Variants in MSRB1 observed in about 807,000 individuals in gnomAD.
The protein encoded by MSRB1 is methionine-R-sulfoxide reductase B1.
MSRB1 carries 13 observed loss-of-function variants against 15.2 expected under a neutral mutation model. The ratio of observed to expected loss-of-function variants is 0.86; its 90% CI spans 0.56 to 1.36. The LOEUF is 1.36. Ranked by LOEUF, MSRB1 falls within the 40% of genes most tolerant of loss-of-function variation. The pLI is 0.00. For synonymous variants in MSRB1, 68 were observed against 64.5 expected (o/e 1.05, Z -0.26); for missense variants, 174 against 155.9 (o/e 1.12, Z -0.62).
chr16:1,939,230 A>G, intron 3 of MSRB1, 87 bp from the exon 4 acceptor site: 2 of 1,430,320 alleles, frequency 1.4e-6, no homozygotes, highest in Non-Finnish European at 1.9e-6. Context: ...GTGGAAAGCC[A>G]GGGTAGGGGC....
intron 3 of MSRB1, among the ~76,000 whole-genome samples, chr16:1,940,007 C>T (rs547557444): frequency 6.6e-6 from 1 of 151,492 alleles, no homozygotes; most frequent in South Asian, 2.1e-4. Context: ...CGTGGTGGCT[C>T]ATGCCTATAA....
At chr16:1,941,633 A>C in intron 1 of MSRB1, 1 of 599,190 alleles carries the variant, frequency 1.7e-6, no homozygotes, top group Non-Finnish European at 2.9e-6. Flanking sequence ...GATTCTTCTC[A>C]TAGCCCCGTG....
intron 3 of MSRB1, 89 bp downstream of exon 3, chr16:1,940,689 A>G: frequency 6.9e-7 from 1 of 1,454,942 alleles, no homozygotes; most frequent in East Asian, 2.4e-5. Context: ...ATACCTTGTC[A>G]TGGTAAGTGG....
At chr16:1,939,176 G>C (rs372540264) in intron 3 of MSRB1, 33 bp from the exon 4 acceptor site, 1 of 1,589,728 alleles carries the variant, frequency 6.3e-7, no homozygotes, top group Admixed American at 1.9e-5. Context: ...GAAAGTATGC[G>C]GGGACAGAAA....
In MSRB1 at chr16:1,938,887, C is replaced by A; in HGVS notation, c.*225G>T. ...TAAGTCAGCCGACAGTGTGGCTGCA[C>A]AGCCCAGGCCTGTCCCAGCAGAAGG... On this transcript the variant is annotated 3_prime_UTR_variant, in exon 4 of 4. Transcript: ENST00000361871. 1 of 634,012 alleles carries A rather than the reference C, an allele frequency of 1.6e-6. No homozygotes were observed. Among genetic ancestry groups the A allele is most frequent in the Non-Finnish European group, 2.7e-6 (1 of 371,858 alleles). The allele number at this position is 634,012 out of a possible 1,614,324, so 39.3% of individuals were successfully genotyped here. A position where few individuals can be genotyped will look rare whatever the true frequency, so the allele number is the denominator to read the frequency against.
chr16:1,941,420 G>A lies in MSRB1; in HGVS notation c.56-15C>T. 3 of 1,604,442 alleles carry A rather than the reference G, an allele frequency of 1.9e-6. No homozygotes were observed. Among genetic ancestry groups the A allele is most frequent in the Non-Finnish European group, 2.6e-6 (3 of 1,174,952 alleles). On this transcript the variant is annotated splice_polypyrimidine_tract_variant and intron_variant, in intron 1 of 3. Coordinates refer to ENST00000361871, the MANE Select transcript of MSRB1 (RefSeq NM_016332.4). ...CACGTAAACGCCTGTGGTGGAAGGAGAGGCAAATGTGGAGTCATCAGCTCC... is the reference window on the plus strand; with the variant it reads ...CACGTAAACGCCTGTGGTGGAAGGAAAGGCAAATGTGGAGTCATCAGCTCC...
At chr16:1,941,538 A>C (rs994069646) in intron 1 of MSRB1, 133 bp from the exon 2 acceptor site, 4 of 1,281,562 alleles carry the variant, frequency 3.1e-6, no homozygotes, top group South Asian at 1.5e-5. Context: ...TTCCCCAGGC[A>C]CCCGCCACGG....
intron 1 of MSRB1, among the ~76,000 whole-genome samples, chr16:1,942,825 C>T (rs2083087561): frequency 6.6e-6 from 1 of 152,202 alleles, no homozygotes; most frequent in East Asian, 1.9e-4. Context: ...ATCCCGATCC[C>T]TTAGACCCAC....
At chr16:1,941,587 G>A (rs2083077973) in intron 1 of MSRB1, 182 bp from the exon 2 acceptor site, 1 of 724,394 alleles carries the variant, frequency 1.4e-6, no homozygotes, top group East Asian at 2.7e-5. Flanking sequence ...AGATGTGCCA[G>A]AGACCAGGGG....
rs924191012 is a variant in MSRB1, at chr16:1,943,152, G to A, written c.5C>T (p.Ser2Leu). MSFCSFFGGEVF... is the reference protein window; with the variant it reads MLFCSFFGGEVF... ...CTCGCCCCCGAAGAAGCTGCAGAACGACATGGCGCCACCGGAACCGCAGCG... is the reference window on the plus strand; with the variant it reads ...CTCGCCCCCGAAGAAGCTGCAGAACAACATGGCGCCACCGGAACCGCAGCG... Residue 2 changes from serine (S) to leucine (L), a missense_variant, in exon 1 of 4, where the codon TCG becomes TTG. Coordinates refer to ENST00000361871, the MANE Select transcript of MSRB1 (RefSeq NM_016332.4). 5.1e-6 allele frequency: 8 copies of A among 1,560,324 alleles called. No individual in the cohort carries two copies. The highest frequency in any genetic ancestry group is 2.7e-5 in the African/African-American group (2 of 73,322).
In MSRB1 at chr16:1,939,159, G is replaced by T; in HGVS notation, c.320-16C>A. 4.4e-6 allele frequency: 7 copies of T among 1,601,964 alleles called. No homozygotes were observed. The highest frequency in any genetic ancestry group is 6.0e-6 in the Non-Finnish European group (7 of 1,176,324). On this transcript the variant is annotated splice_polypyrimidine_tract_variant and intron_variant, in intron 3 of 3. Coordinates refer to ENST00000361871, the MANE Select transcript of MSRB1 (RefSeq NM_016332.4). Reference sequence around the variant, plus strand: ...GTTTCTTTGCCTGAAAGAGAGGAGAGGGGGCGGAAAGTATGCGGGGACAGA... The same window carrying T: ...GTTTCTTTGCCTGAAAGAGAGGAGATGGGGCGGAAAGTATGCGGGGACAGA...
Position 1,939,021 on chromosome 16 carries a change from G to T in MSRB1, c.*91C>A. On this transcript the variant is annotated 3_prime_UTR_variant, in exon 4 of 4. Coordinates refer to ENST00000361871, the MANE Select transcript of MSRB1 (RefSeq NM_016332.4). ...TTCAACCACTGCGCCCTGCCTTCCT[G>T]TCTCGACGCCCAGGGTTCCAACTCC... 6.6e-7 allele frequency: 1 copy of T among 1,514,068 alleles called. No homozygotes were observed. Among genetic ancestry groups the T allele is most frequent in the Non-Finnish European group, 9.1e-7 (1 of 1,100,270 alleles). 93.8% of individuals were successfully genotyped at this position (1,514,068 alleles called of 1,614,324 possible). A position where few individuals can be genotyped will look rare whatever the true frequency, so the allele number is the denominator to read the frequency against.
intron 1 of MSRB1, 136 bp from the exon 2 acceptor site, chr16:1,941,541 C>G (rs577392604): frequency 1.7e-5 from 21 of 1,259,276 alleles, no homozygotes; most frequent in Middle Eastern, 5.4e-4. Context: ...CCCAGGCACC[C>G]GCCACGGGAG....
rs753784001 is a variant in MSRB1 at position 1,941,299 on chromosome 16, G to A, written c.162C>T (p.Ser54=). The A allele has an allele frequency of 8.7e-6, 14 of 1,609,380 alleles. 1 individual carries two copies. The highest frequency in any genetic ancestry group is 5.5e-5 in the South Asian group (5 of 90,858). The change falls in exon 2 of 4, where the codon AGC becomes AGT. Residue 54 remains serine, a synonymous_variant. Coordinates refer to ENST00000361871, the MANE Select transcript of MSRB1 (RefSeq NM_016332.4). The part of the protein sequence containing the change: ...PAFTETIHAD[S]VAKRPEHNRS... ...TATTGTGCTCCGGACGCTTGGCCAC[G>A]CTGTCGGCGTGAATGGTCTCGGTGA... is the stretch of plus-strand genomic sequence containing the variant.
chr16:1,939,179 G>A lies in MSRB1; in HGVS notation c.320-36C>T, dbSNP rs749306017. ...GGAGAGGGGGCGGAAAGTATGCGGG[G>A]ACAGAAAGCAAGCAGGGGCGGAAAG... On this transcript the variant is annotated intron_variant, in intron 3 of 3. Transcript: ENST00000361871. 7 of 1,586,670 alleles carry A rather than the reference G, an allele frequency of 4.4e-6. No individual in the cohort carries two copies. In the East Asian group the frequency reaches 1.1e-4, roughly 26 times the overall value.
At chr16:1,940,273 A>G (rs1188466041) in intron 3 of MSRB1, among the ~76,000 whole-genome samples, 2 of 143,368 alleles carry the variant, frequency 1.4e-5, no homozygotes, top group Non-Finnish European at 3.1e-5. Context: ...TCCATCTCAG[A>G]AAAAAAAAAA....
At chr16:1,940,440 GAC>G (rs1472820108) in intron 3 of MSRB1, among the ~76,000 whole-genome samples, 1 of 152,242 alleles carries the variant, frequency 6.6e-6, no homozygotes, top group East Asian at 1.9e-4. Flanking sequence ...GCCAGTGGGA[GAC>G]ACAGCCGCAC....
At chr16:1,940,995 T>C (rs1439072073) in intron 2 of MSRB1, 103 bp from the exon 3 acceptor site, 2 of 1,569,794 alleles carry the variant, frequency 1.3e-6, no homozygotes, top group Non-Finnish European at 1.7e-6. Flanking sequence ...CACACGCCTA[T>C]TTCCCAAGCT....
Position 1,939,093 on chromosome 16 carries a change from G to T in MSRB1, c.*19C>A. ...GGCCTCAGTGTGGTGGCCGTCTGGGGTGGGTGTGGGCTGCCCGCCTAGTGA... is the reference window on the plus strand; with the variant it reads ...GGCCTCAGTGTGGTGGCCGTCTGGGTTGGGTGTGGGCTGCCCGCCTAGTGA... On this transcript the variant is annotated 3_prime_UTR_variant, in exon 4 of 4. Coordinates refer to ENST00000361871, the MANE Select transcript of MSRB1 (RefSeq NM_016332.4). 1 of 1,613,124 alleles carries T rather than the reference G, an allele frequency of 6.2e-7. No homozygotes were observed. Among genetic ancestry groups the T allele is most frequent in the Non-Finnish European group, 8.5e-7 (1 of 1,179,758 alleles).
Sources: allele counts gnomAD v4.1 joint callset (sites outside exome capture counted in the v4.1 genomes callset), GRCh38; gene constraint gnomAD v4.1.1; transcripts MANE v1.5; gene names NCBI Gene and HGNC (gene_info 2026-07-23, HGNC 2026-07-21).